The following STK4 variants were observed in gnomAD, a reference collection of about 807,000 sequenced individuals.
STK4 encodes serine/threonine-protein kinase 4.
In STK4, 30 loss-of-function variants were observed where a neutral mutation model predicts 64.9. The ratio of observed to expected loss-of-function variants is 0.46; its 90% CI spans 0.35 to 0.63. STK4 has a LOEUF of 0.63. STK4 is among the 20% of genes least tolerant of loss of function. The pLI is 0.01. For missense variants in STK4, 466 were observed against 598.5 expected, an observed-to-expected ratio of 0.78 and a Z score of 2.31; for synonymous variants, 177 against 199.0, an observed-to-expected ratio of 0.89 and a Z score of 0.93.
At chr20:45,074,710 A>G (rs1371069815) in intron 10 of STK4, among the ~76,000 whole-genome samples, 1 of 152,220 alleles carries the variant, frequency 6.6e-6, no homozygotes, top group Non-Finnish European at 1.5e-5. Context: ...ATGAATCTAT[A>G]TTTAATTAAC....
chr20:44,997,241 G>A lies in STK4; in HGVS notation c.766G>A (p.Asp256Asn), dbSNP rs760323489. 1.9e-6 allele frequency: 3 copies of A among 1,613,870 alleles called. No individual in the cohort carries two copies. The East Asian group carries it at 6.7e-5, about 36-fold the overall frequency. ...AGAGCTATGGTCAGATAACTTTACAGATTTTGTGAAACAGTGTCTTGTAAA... is the reference window on the plus strand; with the variant it reads ...AGAGCTATGGTCAGATAACTTTACAAATTTTGTGAAACAGTGTCTTGTAAA... The part of the protein sequence containing the change: ...KPELWSDNFT[D>N]FVKQCLVKSP... Residue 256 changes from aspartate (D) to asparagine (N), a missense_variant, in exon 7 of 11, where the codon GAT becomes AAT. Physicochemically the swap from Asp to Asn is conservative, Grantham distance 23. Around this residue, in one of 2 missense-constraint regions of STK4, gnomAD observed 276 missense variants for 308.9 expected, o/e 0.89. Coordinates refer to ENST00000372806, the MANE Select transcript of STK4 (RefSeq NM_006282.5).
At chr20:45,049,174 A>G (rs1443784599) in intron 10 of STK4, among the ~76,000 whole-genome samples, 1 of 152,190 alleles carries the variant, frequency 6.6e-6, no homozygotes, top group Non-Finnish European at 1.5e-5. Context: ...GCATTGGATC[A>G]GAGGGTGGCC....
Position 45,077,032 on chromosome 20 carries a change from T to G in STK4, c.*1856T>G, listed in dbSNP as rs998832581. On this transcript the variant is annotated 3_prime_UTR_variant, in exon 11 of 11. Coordinates refer to ENST00000372806, the MANE Select transcript of STK4 (RefSeq NM_006282.5). The stretch of plus-strand genomic sequence containing the variant: ...ATATCAGGCACTGAGCTGGGTAGGC[T>G]CTAAACTTCACAATAACCCTGTGAC... 2 of 152,224 alleles carry G rather than the reference T, an allele frequency of 1.3e-5. No homozygotes were observed. Among genetic ancestry groups the G allele is most frequent in the Admixed American group, 6.5e-5 (1 of 15,286 alleles). The allele number at this position is 152,224 out of a possible 1,614,324, so 9.4% of individuals were successfully genotyped here. A position where few individuals can be genotyped will look rare whatever the true frequency, so the allele number is the denominator to read the frequency against.
At chr20:45,071,326 A>G (rs186978706) in intron 10 of STK4, among the ~76,000 whole-genome samples, 4 of 152,368 alleles carry the variant, frequency 2.6e-5, no homozygotes, top group South Asian at 4.1e-4. Context: ...TTTTACTGCA[A>G]GATATTCATT....
Position 45,076,193 on chromosome 20 carries a change from G to A in STK4, c.*1017G>A, listed in dbSNP as rs920320727. On this transcript the variant is annotated 3_prime_UTR_variant, in exon 11 of 11. Transcript: ENST00000372806. This position sits in a 1 kb window ranked among gnomAD's most constrained non-coding sequence, Gnocchi z 4.0. ...TTCTTTTCTCTTTTACTGCTAAGCA[G>A]CCTGGAAAGGATAAATGAATATTAG... The A allele has an allele frequency of 6.6e-6, 1 of 152,230 alleles. No homozygotes were observed. The highest frequency in any genetic ancestry group is 1.5e-5 in the Non-Finnish European group (1 of 68,056). 9.4% of individuals were successfully genotyped at this position (152,230 alleles called of 1,614,324 possible).
Position 44,995,239 on chromosome 20 carries a change from T to C in STK4, c.675T>C (p.Ala225=). ...TGGCTGAAGGAAAGCCCCCTTATGC[T>C]GATATCCATCCAATGAGGGTAAGAA... The part of the protein sequence containing the change: ...IEMAEGKPPY[A]DIHPMRAIFM... Residue 225 remains alanine, a synonymous_variant, in exon 6 of 11, where the codon GCT becomes GCC. Transcript: ENST00000372806. 2 of 1,612,616 alleles carry C rather than the reference T, an allele frequency of 1.2e-6. No individual in the cohort carries two copies. Among genetic ancestry groups the C allele is most frequent in the Non-Finnish European group, 1.7e-6 (2 of 1,179,312 alleles).
At chr20:44,985,332 C>T (rs537181478) in intron 4 of STK4, among the ~76,000 whole-genome samples, 3 of 152,064 alleles carry the variant, frequency 2.0e-5, no homozygotes, top group African/African-American at 7.2e-5. Flanking sequence ...CACTTAGTAA[C>T]GGTTAGCCTT....
intron 10 of STK4, among the ~76,000 whole-genome samples, chr20:45,044,771 TAAG>T (rs1017620777): frequency 8.5e-5 from 13 of 152,230 alleles, no homozygotes; most frequent in South Asian, 4.1e-4. Context: ...TTACATTACA[TAAG>T]AAGAAGGGTG....
At chr20:45,001,431 G>C in intron 9 of STK4, 78 bp downstream of exon 9, 1 of 1,488,802 alleles carries the variant, frequency 6.7e-7, no homozygotes. Flanking sequence ...CATGGTTCAT[G>C]CAGGCTTAGC....
At chr20:44,972,236 C>G in intron 2 of STK4, 78 bp downstream of exon 2, 1 of 1,309,832 alleles carries the variant, frequency 7.6e-7, no homozygotes, top group Non-Finnish European at 1.1e-6. Flanking sequence ...AGGATATGAA[C>G]CTTTCAGCAT....
At chr20:44,998,703 C>T (rs770566613) in intron 7 of STK4, among the ~76,000 whole-genome samples, 16 of 152,038 alleles carry the variant, frequency 1.1e-4, no homozygotes, top group Non-Finnish European at 2.1e-4. Context: ...TCAGCCTGAC[C>T]CAGTTTGCAG....
intron 10 of STK4, among the ~76,000 whole-genome samples, chr20:45,054,530 C>G (rs941435728): frequency 7.0e-5 from 10 of 143,180 alleles, no homozygotes; most frequent in African/African-American, 2.6e-4. Flanking sequence ...CCACTGCACT[C>G]TAGCCTGGGC....
intron 10 of STK4, among the ~76,000 whole-genome samples, chr20:45,063,810 T>G (rs1240206804): frequency 6.7e-6 from 1 of 150,068 alleles, no homozygotes; most frequent in Non-Finnish European, 1.5e-5. Context: ...TTTTATTTAT[T>G]TATTTATTTA....
intron 10 of STK4, among the ~76,000 whole-genome samples, chr20:45,051,463 C>G (rs2068775641): frequency 6.6e-6 from 1 of 152,056 alleles, no homozygotes; most frequent in South Asian, 2.1e-4. Flanking sequence ...GTTATTGTAT[C>G]TTTTAGTGAG....
chr20:45,010,853 T>A (rs1013926530), intron 9 of STK4, among the ~76,000 whole-genome samples: 4 of 152,210 alleles, frequency 2.6e-5, no homozygotes, highest in African/African-American at 9.6e-5. Context: ...AAAGGACAGA[T>A]GGTTTTCAAA....
chr20:45,042,882 G>A (rs939570275), intron 10 of STK4, among the ~76,000 whole-genome samples: 3 of 152,010 alleles, frequency 2.0e-5, no homozygotes, highest in Non-Finnish European at 4.4e-5. Flanking sequence ...ACATGTGCAG[G>A]ATGTGCTGGT....
chr20:45,079,180 C>G lies in STK4; in HGVS notation c.*4004C>G, dbSNP rs1980741078. ...GCAGTGAGCCATGGTCTCACCACTG[C>G]ACTCTAGCCTGGGTGACAGAATGAG... On this transcript the variant is annotated 3_prime_UTR_variant, in exon 11 of 11. Transcript: ENST00000372806. The G allele has an allele frequency of 6.6e-6, 1 of 152,138 alleles. No individual in the cohort carries two copies. The highest frequency in any genetic ancestry group is 1.9e-4 in the East Asian group (1 of 5,178). 9.4% of individuals were successfully genotyped at this position (152,138 alleles called of 1,614,324 possible). A position where few individuals can be genotyped will look rare whatever the true frequency, so the allele number is the denominator to read the frequency against.
At chr20:45,031,317 G>A (rs149678535) in intron 10 of STK4, among the ~76,000 whole-genome samples, 1 of 152,242 alleles carries the variant, frequency 6.6e-6, no homozygotes, top group East Asian at 1.9e-4. Context: ...TGTGAGGCAA[G>A]ACATAGACTA....
chr20:44,975,305 C>A, intron 2 of STK4: 2 of 962,312 alleles, frequency 2.1e-6, no homozygotes, highest in Non-Finnish European at 2.5e-6. Context: ...TTCTAACCAC[C>A]CCCTATCCCT....
Sources: allele counts gnomAD v4.1 joint callset (sites outside exome capture counted in the v4.1 genomes callset), GRCh38; gene constraint gnomAD v4.1.1; regional missense constraint gnomAD v4.1.1; non-coding constraint Gnocchi (gnomAD v3.1); transcripts MANE v1.5; gene names NCBI Gene and HGNC (gene_info 2026-07-23, HGNC 2026-07-21).